SUPT3H: variants seen among roughly 807,000 people sequenced by gnomAD.
SUPT3H encodes transcription initiation protein SPT3 homolog.
A neutral mutation model predicts 44.3 loss-of-function variants in SUPT3H; 44 were observed. The observed-to-expected ratio is 0.99, with a 90% CI of 0.78 to 1.28. The LOEUF is 1.28. Ranked by LOEUF, SUPT3H falls within the 50% of genes most tolerant of loss-of-function variation. The pLI, the probability that SUPT3H is intolerant of heterozygous loss-of-function variation, is 0.00. For missense variants in SUPT3H, 380 were observed against 387.1 expected (o/e 0.98, Z 0.15); for synonymous variants, 124 against 125.6 (o/e 0.99, Z 0.09).
intron 2 of SUPT3H, among the ~76,000 whole-genome samples, chr6:45,132,563 T>C (rs1355595408): frequency 6.6e-6 from 1 of 152,172 alleles, no homozygotes; most frequent in Non-Finnish European, 1.5e-5. Context: ...TTACAGTGTG[T>C]TATATTTTGA....
At chr6:45,336,381 A>T (rs1017284602) in intron 2 of SUPT3H, among the ~76,000 whole-genome samples, 2 of 151,404 alleles carry the variant, frequency 1.3e-5, no homozygotes, top group Admixed American at 1.3e-4. Context: ...AAACACATAA[A>T]GTGATCTGTT....
intron 2 of SUPT3H, among the ~76,000 whole-genome samples, chr6:45,354,814 G>T (rs577778970): frequency 6.6e-6 from 1 of 152,032 alleles, no homozygotes; most frequent in Non-Finnish European, 1.5e-5. Context: ...AGCTTATAAA[G>T]ATAATGCTGT....
chr6:44,901,372 G>A (rs1394514892), intron 10 of SUPT3H, among the ~76,000 whole-genome samples: 5 of 152,144 alleles, frequency 3.3e-5, no homozygotes, highest in Admixed American at 6.5e-5. Context: ...ACTACGTGAC[G>A]AATGCACAAG....
intron 2 of SUPT3H, among the ~76,000 whole-genome samples, chr6:45,339,415 T>C (rs1440907925): frequency 1.3e-5 from 2 of 152,284 alleles, no homozygotes; most frequent in African/African-American, 4.8e-5. Flanking sequence ...AAAGACAAAA[T>C]GCATATCCAA....
chr6:45,280,220 G>C (rs960430641), intron 2 of SUPT3H, among the ~76,000 whole-genome samples: 1 of 152,098 alleles, frequency 6.6e-6, no homozygotes, highest in Non-Finnish European at 1.5e-5. Flanking sequence ...TTTAGGTATA[G>C]GCCAGGTGTC....
chr6:45,040,729 C>G (rs571293405), intron 3 of SUPT3H, among the ~76,000 whole-genome samples: 3 of 152,136 alleles, frequency 2.0e-5, no homozygotes, highest in African/African-American at 7.2e-5. Context: ...ACAGAGAAGC[C>G]CCACAACTTT....
At chr6:44,928,037 T>C (rs1769812320) in intron 10 of SUPT3H, among the ~76,000 whole-genome samples, 1 of 152,194 alleles carries the variant, frequency 6.6e-6, no homozygotes, top group Non-Finnish European at 1.5e-5. Context: ...AATCCTATTA[T>C]GAAGTATAAT....
chr6:45,361,140 G>T (rs1794182573), intron 2 of SUPT3H, among the ~76,000 whole-genome samples: 1 of 152,112 alleles, frequency 6.6e-6, no homozygotes, highest in African/African-American at 2.4e-5. Flanking sequence ...TGCAAAAATT[G>T]CAGAACTGTA....
At chr6:45,104,242 A>G (rs1475462957) in intron 3 of SUPT3H, among the ~76,000 whole-genome samples, 1 of 152,170 alleles carries the variant, frequency 6.6e-6, no homozygotes, top group Non-Finnish European at 1.5e-5. Flanking sequence ...AGGAAAAGTT[A>G]TAATGTTGTC....
At chr6:44,841,942 A>ATG (rs1380640612) in intron 10 of SUPT3H, among the ~76,000 whole-genome samples, 16 of 152,148 alleles carry the variant, frequency 1.1e-4, no homozygotes, top group Non-Finnish European at 8.8e-5. Flanking sequence ...TAGTCTCTGT[A>ATG]TGTGTGTGTG....
intron 3 of SUPT3H, among the ~76,000 whole-genome samples, chr6:45,100,540 T>A (rs1297136329): frequency 8.2e-5 from 1 of 12,138 alleles, no homozygotes; most frequent in Non-Finnish European, 1.3e-4. Flanking sequence ...GACCCTGTAC[T>A]TAAAAAAAAA....
chr6:44,980,151 T>A (rs1438697271), intron 6 of SUPT3H, among the ~76,000 whole-genome samples: 1 of 151,988 alleles, frequency 6.6e-6, no homozygotes, highest in African/African-American at 2.4e-5. Context: ...GCTCTGACAT[T>A]TTGTGATTCA....
At chr6:44,902,702 C>T (rs1453728547) in intron 10 of SUPT3H, among the ~76,000 whole-genome samples, 2 of 152,134 alleles carry the variant, frequency 1.3e-5, no homozygotes, top group Non-Finnish European at 2.9e-5. Context: ...TACAGAACTC[C>T]CCACTGCAAA....
intron 6 of SUPT3H, among the ~76,000 whole-genome samples, chr6:44,974,825 T>C (rs1222958662): frequency 2.0e-5 from 3 of 152,132 alleles, no homozygotes; most frequent in African/African-American, 4.8e-5. Context: ...TCACCTCTGA[T>C]AAAAATTCTA....
At chr6:44,918,714 C>T (rs1387317917) in intron 10 of SUPT3H, among the ~76,000 whole-genome samples, 2 of 152,072 alleles carry the variant, frequency 1.3e-5, no homozygotes, top group Non-Finnish European at 2.9e-5. Flanking sequence ...CTGCAATCAG[C>T]CAAACCATGT....
chr6:44,965,406 A>G (rs1248217114), intron 6 of SUPT3H, among the ~76,000 whole-genome samples: 2 of 152,190 alleles, frequency 1.3e-5, no homozygotes, highest in African/African-American at 4.8e-5. Flanking sequence ...CTGTACTAAT[A>G]CTAATGTCCT....
At position 45,328,738 on chromosome 6, in the gene SUPT3H, C is replaced by T; in HGVS notation, c.101+36463G>A. On this transcript the variant is annotated intron_variant, in intron 2 of 10. Coordinates refer to ENST00000371459, the MANE Select transcript of SUPT3H (RefSeq NM_003599.4). ...AAAAAGGAGGGACTATGGCATCAAA[C>T]AGCCTCTTCAGCACAGTGACACCAT... The T allele has an allele frequency of 6.2e-7, 1 of 1,612,050 alleles. No homozygotes were observed. Among genetic ancestry groups the T allele is most frequent in the African/African-American group, 1.3e-5 (1 of 74,898 alleles).
At chr6:45,283,294 C>T (rs981136189) in intron 2 of SUPT3H, among the ~76,000 whole-genome samples, 1 of 152,066 alleles carries the variant, frequency 6.6e-6, no homozygotes, top group Non-Finnish European at 1.5e-5. Flanking sequence ...CACTGCCAAA[C>T]TGGATAAAAA....
chr6:44,998,412 C>T (rs527491791), intron 6 of SUPT3H, among the ~76,000 whole-genome samples: 15 of 151,874 alleles, frequency 9.9e-5, no homozygotes, highest in Admixed American at 3.3e-4. Flanking sequence ...ACTAAATTAT[C>T]GAGCATCTAT....
Sources: gnomAD v4.1 joint callset for allele counts (sites outside exome capture counted in the v4.1 genomes callset) on GRCh38, gnomAD v4.1.1 for gene constraint, MANE v1.5 for transcripts, NCBI Gene and HGNC (gene_info 2026-07-23, HGNC 2026-07-21) for gene names.